The following ERICH3 variants were observed in gnomAD, a reference collection of about 807,000 sequenced individuals.
The protein encoded by ERICH3 is glutamate rich 3.
ERICH3 carries 126 observed loss-of-function variants against 131.1 expected under a neutral mutation model. The ratio of observed to expected loss-of-function variants is 0.96; its 90% CI spans 0.83 to 1.11. ERICH3 has a LOEUF of 1.11. Ranked by LOEUF, ERICH3 falls within the 50% of genes most tolerant of loss-of-function variation. ERICH3 has a pLI of 0.00. For missense variants in ERICH3, 2,050 were observed against 1,810.7 expected (o/e 1.13, Z -2.40); for synonymous variants, 695 against 644.6 (o/e 1.08, Z -1.18).
Position 74,571,762 on chromosome 1 carries a change from C to A in ERICH3, c.3948G>T (p.Gly1316=). 6.2e-7 allele frequency: 1 copy of A among 1,614,118 alleles called. No individual in the cohort carries two copies. The highest frequency in any genetic ancestry group is 8.5e-7 in the Non-Finnish European group (1 of 1,180,030). ...TTCCTTCTCCTTCCATGTCCCCGTCCCCTTCCGAGTTCCTGTCCTGCATCG... is the reference window on the plus strand; with the variant it reads ...TTCCTTCTCCTTCCATGTCCCCGTCACCTTCCGAGTTCCTGTCCTGCATCG... The part of the protein sequence containing the change: ...TEAMQDRNSE[G]DGDMEGEGNT... Residue 1316 remains glycine, a synonymous_variant, in exon 14 of 15, where the codon GGG becomes GGT. Coordinates refer to ENST00000326665, the MANE Select transcript of ERICH3 (RefSeq NM_001002912.5).
At chr1:74,640,455 A>T (rs995946387) in intron 5 of ERICH3, among the ~76,000 whole-genome samples, 1 of 152,192 alleles carries the variant, frequency 6.6e-6, no homozygotes, top group Non-Finnish European at 1.5e-5. Context: ...CTACTTCAAC[A>T]ATCTGTGAAA....
chr1:74,586,664 T>C (rs1361809273), intron 12 of ERICH3: 4 of 267,416 alleles, frequency 1.5e-5, no homozygotes, highest in East Asian at 1.8e-4. Flanking sequence ...AAAGTACTAA[T>C]AACAATAGTG....
At chr1:74,668,579 C>G (rs1328172195) in intron 1 of ERICH3, among the ~76,000 whole-genome samples, 2 of 152,134 alleles carry the variant, frequency 1.3e-5, no homozygotes, top group Non-Finnish European at 2.9e-5. Context: ...GCTTATAACT[C>G]TGAAGGAATT....
chr1:74,644,864 C>T (rs956803833), intron 3 of ERICH3, among the ~76,000 whole-genome samples: 1 of 152,044 alleles, frequency 6.6e-6, no homozygotes, highest in African/African-American at 2.4e-5. Flanking sequence ...TTCATCGCCT[C>T]ATCACCTACA....
At position 74,588,942 on chromosome 1, in the gene ERICH3, A is replaced by G. The variant is rs1443698778; in HGVS notation, c.2176+689T>C. Among the ~76,000 whole-genome samples the G allele has an allele frequency of 3.9e-5, 6 of 152,206 alleles. No individual in the cohort carries two copies. In the South Asian group the frequency reaches 8.3e-4, roughly 21 times the overall value. On this transcript the variant is annotated intron_variant, in intron 12 of 14. Transcript: ENST00000326665. ...CTCAAAGGGAAGTTTGGAATCTTGT[A>G]AGAAAATTTTACACTATTATCTAAA... is the stretch of plus-strand genomic sequence containing the variant.
At chr1:74,649,119 G>C in intron 2 of ERICH3, 103 bp downstream of exon 2, 1 of 728,368 alleles carries the variant, frequency 1.4e-6, no homozygotes, top group Non-Finnish European at 2.2e-6. Flanking sequence ...TTTCTAAAAT[G>C]AGGGCAAGTG....
chr1:74,623,816 A>C (rs559177810), intron 7 of ERICH3: 1 of 152,200 alleles, frequency 6.6e-6, no homozygotes, highest in East Asian at 1.9e-4. Context: ...AATGTGTTAT[A>C]TTTTCTAATA....
chr1:74,616,371 T>C (rs1251621310), intron 8 of ERICH3, among the ~76,000 whole-genome samples: 1 of 151,982 alleles, frequency 6.6e-6, no homozygotes, highest in East Asian at 1.9e-4. Context: ...CAACTAAAAA[T>C]TTAAAAGGAA....
chr1:74,586,310 A>C, intron 12 of ERICH3: 1 of 800,108 alleles, frequency 1.2e-6, no homozygotes, highest in Non-Finnish European at 1.5e-6. Flanking sequence ...CCATCTATAC[A>C]TAAAAATAAC....
intron 10 of ERICH3, among the ~76,000 whole-genome samples, chr1:74,601,496 G>A (rs1197267519): frequency 6.6e-6 from 1 of 151,788 alleles, no homozygotes; most frequent in Non-Finnish European, 1.5e-5. Context: ...AACACAATGG[G>A]GCTGGGTTGC....
rs750055067 is a variant in ERICH3, at chr1:74,631,859, G to C, written c.673C>G (p.Pro225Ala). The change falls in exon 7 of 15, where the codon CCA (proline) becomes GCA (alanine). Residue 225 changes from proline (P) to alanine (A), a missense_variant. Transcript: ENST00000326665. ...GGCATCATGTAACTGTTAATGTTTGGAAGTTGATATGAATTCATTCTCTGT... is the reference window on the plus strand; with the variant it reads ...GGCATCATGTAACTGTTAATGTTTGCAAGTTGATATGAATTCATTCTCTGT... ...NSQRMNSYQLPNINSYMMPIP... is the reference protein window; with the variant it reads ...NSQRMNSYQLANINSYMMPIP... The C allele has an allele frequency of 1.2e-6, 2 of 1,613,498 alleles. No individual in the cohort carries two copies. Among genetic ancestry groups the C allele is most frequent in the South Asian group, 2.2e-5 (2 of 91,052 alleles).
chr1:74,621,053 A>G, intron 7 of ERICH3, 139 bp from the exon 8 acceptor site: 1 of 678,936 alleles, frequency 1.5e-6, no homozygotes, highest in Non-Finnish European at 2.2e-6. Context: ...TCAATTTACA[A>G]ATGCACAAAA....
intron 1 of ERICH3, among the ~76,000 whole-genome samples, chr1:74,660,480 T>C (rs1295581911): frequency 4.6e-5 from 7 of 151,382 alleles, no homozygotes; most frequent in Non-Finnish European, 1.0e-4. Context: ...TTATATTTGA[T>C]CTTGGAACAC....
intron 1 of ERICH3, among the ~76,000 whole-genome samples, chr1:74,657,078 CAT>C (rs1646592085): frequency 6.6e-6 from 1 of 152,158 alleles, no homozygotes; most frequent in African/African-American, 2.4e-5. Flanking sequence ...TTAAAATCCA[CAT>C]GTGAGGATAA....
chr1:74,656,943 G>C (rs1166645520), intron 1 of ERICH3, among the ~76,000 whole-genome samples: 1 of 152,134 alleles, frequency 6.6e-6, no homozygotes, highest in African/African-American at 2.4e-5. Context: ...CCTCCTATAA[G>C]GTGTTGTATG....
At chr1:74,661,684 A>G (rs1646642885) in intron 1 of ERICH3, among the ~76,000 whole-genome samples, 1 of 152,180 alleles carries the variant, frequency 6.6e-6, no homozygotes, top group Non-Finnish European at 1.5e-5. Flanking sequence ...CTTAAGCAAC[A>G]TATACTTTAC....
At chr1:74,577,967 C>CA (rs1426248751) in intron 12 of ERICH3, 1 of 152,034 alleles carries the variant, frequency 6.6e-6, no homozygotes, top group Admixed American at 6.6e-5. Context: ...GGGACAGAAG[C>CA]AAAAAAGCTA....
At chr1:74,647,347 G>T (rs1328116560) in intron 2 of ERICH3, among the ~76,000 whole-genome samples, 2 of 152,042 alleles carry the variant, frequency 1.3e-5, no homozygotes, top group Non-Finnish European at 2.9e-5. Flanking sequence ...AGCTACAAAG[G>T]ATCTCATCAG....
chr1:74,590,049 T>C lies in ERICH3; in HGVS notation c.1758A>G (p.Arg586=). The C allele has an allele frequency of 6.2e-7, 1 of 1,611,452 alleles. No homozygotes were observed. Among genetic ancestry groups the C allele is most frequent in the Non-Finnish European group, 8.5e-7 (1 of 1,178,342 alleles). Residue 586 remains arginine, a synonymous_variant, in exon 12 of 15, where the codon AGA becomes AGG. Coordinates refer to ENST00000326665, the MANE Select transcript of ERICH3 (RefSeq NM_001002912.5). ...DMKTASSTSS[R]SHPYSSDSED... ...CACTGTCACTAGAATAAGGGTGACT[T>C]CTGGATGAGGTTGATGAAGCAGTTT... is the stretch of plus-strand genomic sequence containing the variant.
Sources: allele counts gnomAD v4.1 joint callset (sites outside exome capture counted in the v4.1 genomes callset), GRCh38; gene constraint gnomAD v4.1.1; transcripts MANE v1.5; gene names NCBI Gene and HGNC (gene_info 2026-07-23, HGNC 2026-07-21).